SEMA3C: variants seen among roughly 807,000 people sequenced by gnomAD.
SEMA3C encodes semaphorin 3C.
Under a neutral mutation model 89.4 loss-of-function variants are expected in SEMA3C, and 47 were observed. The ratio of observed to expected loss-of-function variants is 0.53; its 90% confidence interval spans 0.42 to 0.67. SEMA3C has a LOEUF of 0.67. Among genes scored for constraint, SEMA3C ranks in the 30% least tolerant of loss-of-function variants. The pLI is 0.00. For missense variants in SEMA3C, 839 were observed against 929.1 expected (o/e 0.90, Z 1.26); for synonymous variants, 310 against 320.2 (o/e 0.97, Z 0.34).
At chr7:80,860,717 G>A (rs1442920151) in intron 2 of SEMA3C, among the ~76,000 whole-genome samples, 2 of 152,108 alleles carry the variant, frequency 1.3e-5, no homozygotes, top group South Asian at 2.1e-4. Context: ...GAAACAGAAC[G>A]GATAAGTGCA....
At chr7:80,826,267 G>C (rs1789870688) in intron 4 of SEMA3C, among the ~76,000 whole-genome samples, 1 of 151,910 alleles carries the variant, frequency 6.6e-6, no homozygotes, top group African/African-American at 2.4e-5. Context: ...CAAGACTCAG[G>C]GCAGTCTTCA....
chr7:80,813,113 C>T (rs1789510018), intron 5 of SEMA3C, among the ~76,000 whole-genome samples: 1 of 151,784 alleles, frequency 6.6e-6, no homozygotes. Flanking sequence ...GGCCAGATTC[C>T]ATTTTTAATT....
chr7:80,762,903 A>G (rs1253864023), intron 13 of SEMA3C, among the ~76,000 whole-genome samples: 3 of 152,226 alleles, frequency 2.0e-5, no homozygotes, highest in South Asian at 2.1e-4. Flanking sequence ...AGCTCTCAAA[A>G]TCAAATGTAC....
chr7:80,893,698 C>G (rs1414332329), intron 2 of SEMA3C, among the ~76,000 whole-genome samples: 1 of 151,856 alleles, frequency 6.6e-6, no homozygotes, highest in South Asian at 2.1e-4. Flanking sequence ...CATATTGATA[C>G]GTGCTACTGT....
chr7:80,850,993 C>A (rs996751107), intron 2 of SEMA3C, among the ~76,000 whole-genome samples: 1 of 152,082 alleles, frequency 6.6e-6, no homozygotes, highest in African/African-American at 2.4e-5. Context: ...TTTCTTGCTT[C>A]TTCCAGCTTC....
chr7:80,795,563 T>TA (rs1789042845), intron 11 of SEMA3C, among the ~76,000 whole-genome samples: 1 of 152,216 alleles, frequency 6.6e-6, no homozygotes, highest in Non-Finnish European at 1.5e-5. Flanking sequence ...TCTTGAGAGC[T>TA]AAAAAACAGT....
intron 1 of SEMA3C, 43 bp downstream of exon 1, chr7:80,918,785 C>T: frequency 3.1e-6 from 3 of 983,470 alleles, no homozygotes; most frequent in Non-Finnish European, 2.4e-6. Flanking sequence ...AAAAGTTATA[C>T]TTTGCTAAAT....
intron 2 of SEMA3C, chr7:80,905,738 G>T: frequency 3.1e-6 from 2 of 650,586 alleles, no homozygotes; most frequent in Non-Finnish European, 4.9e-6. Context: ...CTTTTAAAAT[G>T]TCACCTTCTG....
At chr7:80,914,453 T>A (rs145107790) in intron 2 of SEMA3C, among the ~76,000 whole-genome samples, 1 of 152,278 alleles carries the variant, frequency 6.6e-6, no homozygotes, top group Non-Finnish European at 1.5e-5. Context: ...TTAAAATTTG[T>A]ACATTTTGAC....
chr7:80,750,100 C>G lies in SEMA3C; in HGVS notation c.1712-1072G>C, dbSNP rs985284040. 5.3e-5 allele frequency among the ~76,000 whole-genome samples: 8 copies of G among 152,090 alleles called. No homozygotes were observed. The South Asian group carries it at 1.5e-3, about 28-fold the overall frequency. On this transcript the variant is annotated intron_variant, in intron 16 of 17. Transcript: ENST00000265361. ...TGCCATTTTTTACTAAAGGAAAGCA[C>G]AGACTCAAAAGGATTAGAAATAGGA... is the stretch of plus-strand genomic sequence containing the variant.
At chr7:80,890,847 A>C (rs1791594729) in intron 2 of SEMA3C, among the ~76,000 whole-genome samples, 1 of 152,234 alleles carries the variant, frequency 6.6e-6, no homozygotes, top group Non-Finnish European at 1.5e-5. Flanking sequence ...TCATCTGGCT[A>C]CAAAGCCAGT....
At chr7:80,780,825 A>G (rs895706574) in intron 12 of SEMA3C, among the ~76,000 whole-genome samples, 2 of 152,188 alleles carry the variant, frequency 1.3e-5, no homozygotes, top group African/African-American at 4.8e-5. Context: ...CAGAGATTGC[A>G]GTGAGCTGAG....
chr7:80,904,712 A>G (rs1386214628), intron 2 of SEMA3C, among the ~76,000 whole-genome samples: 3 of 152,180 alleles, frequency 2.0e-5, no homozygotes, highest in Non-Finnish European at 2.9e-5. Flanking sequence ...ACTGCATTTT[A>G]GGGATTGGGG....
chr7:80,777,579 AC>A (rs1788580668), intron 12 of SEMA3C, among the ~76,000 whole-genome samples: 1 of 152,230 alleles, frequency 6.6e-6, no homozygotes, highest in African/African-American at 2.4e-5. Flanking sequence ...GGCGTGAGCC[AC>A]TGCACCCAAC....
At chr7:80,755,749 G>A (rs554370460) in intron 15 of SEMA3C, among the ~76,000 whole-genome samples, 1 of 152,084 alleles carries the variant, frequency 6.6e-6, no homozygotes, top group African/African-American at 2.4e-5. Context: ...ATTTGGCAGT[G>A]AAAAACAAAT....
intron 16 of SEMA3C, among the ~76,000 whole-genome samples, chr7:80,750,994 T>C (rs1464904341): frequency 1.3e-5 from 2 of 152,168 alleles, no homozygotes; most frequent in Non-Finnish European, 2.9e-5. Context: ...AAGAAAATAG[T>C]AGCTAAGAAA....
chr7:80,812,701 T>A (rs1446023463), intron 5 of SEMA3C, among the ~76,000 whole-genome samples: 6 of 152,166 alleles, frequency 3.9e-5, no homozygotes, highest in African/African-American at 1.4e-4. Context: ...TCCTAAAACT[T>A]GTCTCCTGAG....
At chr7:80,909,593 G>A (rs1219836043) in intron 2 of SEMA3C, among the ~76,000 whole-genome samples, 2 of 152,110 alleles carry the variant, frequency 1.3e-5, no homozygotes, top group East Asian at 3.9e-4. Flanking sequence ...AGTGGCATCA[G>A]TTCAAACCAG....
At chr7:80,885,473 C>T (rs1791453161) in intron 2 of SEMA3C, among the ~76,000 whole-genome samples, 1 of 151,852 alleles carries the variant, frequency 6.6e-6, no homozygotes, top group Admixed American at 6.6e-5. Context: ...AAAAATTAGC[C>T]AGGCATGGTG....
Sources: gnomAD v4.1 joint callset for allele counts (sites outside exome capture counted in the v4.1 genomes callset) on GRCh38, gnomAD v4.1.1 for gene constraint, MANE v1.5 for transcripts, NCBI Gene and HGNC (gene_info 2026-07-23, HGNC 2026-07-21) for gene names.